ZNF713: variants seen among roughly 807,000 people sequenced by gnomAD.
The protein encoded by ZNF713 is zinc finger protein 713.
A neutral mutation model predicts 28.7 loss-of-function variants in ZNF713; 21 were observed. That is an observed-to-expected ratio of 0.73 (90% CI 0.52 to 1.05). ZNF713 has a LOEUF of 1.05. Ranked by LOEUF, ZNF713 falls within the 50% of genes least tolerant of loss-of-function variation. The pLI is 0.00. For synonymous variants in ZNF713, 167 were observed against 178.0 expected, an observed-to-expected ratio of 0.94 and a Z score of 0.49; for missense variants, 458 against 532.4, an observed-to-expected ratio of 0.86 and a Z score of 1.37.
At chr7:55,889,636 G>A (rs1393700282) in intron 1 of ZNF713, among the ~76,000 whole-genome samples, 2 of 152,106 alleles carry the variant, frequency 1.3e-5, no homozygotes, top group Admixed American at 6.6e-5. Flanking sequence ...TGCCCTCAAA[G>A]CCCTTTATGA....
chr7:55,918,311 C>CT (rs1331242505), intron 4 of ZNF713: 1 of 252,672 alleles, frequency 4.0e-6, no homozygotes, highest in Non-Finnish European at 8.3e-6. Flanking sequence ...AGTAAGCCAT[C>CT]TTGAAAGTGA....
chr7:55,919,020 T>C (rs1486887144), intron 4 of ZNF713, among the ~76,000 whole-genome samples: 1 of 147,416 alleles, frequency 6.8e-6, no homozygotes, highest in African/African-American at 2.5e-5. Flanking sequence ...AAAAGGAAAA[T>C]AGAGAATATA....
At chr7:55,901,367 C>T (rs966769431) in intron 1 of ZNF713, among the ~76,000 whole-genome samples, 3 of 152,172 alleles carry the variant, frequency 2.0e-5, no homozygotes, top group African/African-American at 7.2e-5. Context: ...CCCCATGATT[C>T]AGTTACCTCC....
At chr7:55,905,004 T>C (rs909445084) in intron 1 of ZNF713, among the ~76,000 whole-genome samples, 15 of 152,082 alleles carry the variant, frequency 9.9e-5, no homozygotes, top group African/African-American at 3.6e-4. Flanking sequence ...GGATTACAGG[T>C]GTGAGCCACC....
chr7:55,900,495 C>T (rs1785556355), intron 1 of ZNF713, among the ~76,000 whole-genome samples: 1 of 151,778 alleles, frequency 6.6e-6, no homozygotes, highest in Non-Finnish European at 1.5e-5. Flanking sequence ...TATATATACA[C>T]AATGGAATAC....
rs1055832733 is a variant in ZNF713 at position 55,940,575 on chromosome 7, T to TA, written c.*575dup. The stretch of plus-strand genomic sequence containing the variant: ...GTTCCAAATCTGATATAAAACTTTT[T>TA]AAAAAATCAGAAGTCCTTATCCAGG... On this transcript the variant is annotated 3_prime_UTR_variant, in exon 7 of 7. Coordinates refer to ENST00000429591, the MANE Select transcript of ZNF713 (RefSeq NM_182633.3). 1 of 979,638 alleles carries TA rather than the reference T, an allele frequency of 1.0e-6. No homozygotes were observed. Among genetic ancestry groups the TA allele is most frequent in the Non-Finnish European group, 1.2e-6 (1 of 824,866 alleles). The allele number at this position is 979,638 out of a possible 1,614,324, so 60.7% of individuals were successfully genotyped here.
chr7:55,919,208 A>T (rs532139149), intron 4 of ZNF713, among the ~76,000 whole-genome samples: 11 of 152,338 alleles, frequency 7.2e-5, no homozygotes, highest in African/African-American at 2.6e-4. Flanking sequence ...TCTCATTCAC[A>T]TCTGTCCAAG....
At chr7:55,922,398 C>T (rs1440931691) in intron 4 of ZNF713, among the ~76,000 whole-genome samples, 6 of 151,898 alleles carry the variant, frequency 4.0e-5, no homozygotes, top group African/African-American at 9.7e-5. Context: ...TATAGCTGGG[C>T]GTAGTGGTGC....
At chr7:55,929,226 T>C (rs1306241945) in intron 6 of ZNF713, among the ~76,000 whole-genome samples, 2 of 152,006 alleles carry the variant, frequency 1.3e-5, no homozygotes, top group African/African-American at 2.4e-5. Flanking sequence ...ACAAAAATTA[T>C]CAAGAAAATT....
intron 1 of ZNF713, among the ~76,000 whole-genome samples, chr7:55,899,159 C>G (rs533778081): frequency 6.6e-6 from 1 of 150,778 alleles, no homozygotes; most frequent in South Asian, 2.1e-4. Context: ...GGAGACCATC[C>G]TGGCTAATAC....
intron 4 of ZNF713, among the ~76,000 whole-genome samples, chr7:55,920,046 C>T (rs964226383): frequency 2.6e-5 from 4 of 152,158 alleles, no homozygotes; most frequent in African/African-American, 9.7e-5. Context: ...CCCCGGCTTC[C>T]CTATTTGCTG....
At chr7:55,887,887 G>GGGCGGC (rs1234910977) in intron 1 of ZNF713, among the ~76,000 whole-genome samples, 1 of 108,616 alleles carries the variant, frequency 9.2e-6, no homozygotes, top group Non-Finnish European at 1.8e-5. Context: ...CGGCGGCGGC[G>GGGCGGC]GGCGGCGGCG....
Position 55,940,622 on chromosome 7 carries a change from T to TC in ZNF713, c.*619dup. The TC allele has an allele frequency of 1.1e-6, 1 of 908,354 alleles. No homozygotes were observed. The highest frequency in any genetic ancestry group is 1.3e-6 in the Non-Finnish European group (1 of 760,496). 56.3% of individuals were successfully genotyped at this position (908,354 alleles called of 1,614,324 possible). ...CAGGCATGGTGGTGCACACCTGCAA[T>TC]CCCAGCTACTCTGGAGACTGAGGCA... On this transcript the variant is annotated 3_prime_UTR_variant, in exon 7 of 7. Transcript: ENST00000429591.
At chr7:55,899,356 CAAAAAAAAA>C (rs71015114) in intron 1 of ZNF713, among the ~76,000 whole-genome samples, 7 of 68,928 alleles carry the variant, frequency 1.0e-4, no homozygotes, top group African/African-American at 2.4e-4. Context: ...GATTCCATCT[CAAAAAAAAA>C]AAAAAAAAAA....
chr7:55,892,567 A>C (rs958994225), intron 1 of ZNF713, among the ~76,000 whole-genome samples: 2 of 149,796 alleles, frequency 1.3e-5, no homozygotes, highest in African/African-American at 2.4e-5. Context: ...AAAAAAAAAA[A>C]AAAAAAAAAA....
chr7:55,909,959 A>G (rs971996772), intron 2 of ZNF713, among the ~76,000 whole-genome samples: 3 of 150,696 alleles, frequency 2.0e-5, no homozygotes, highest in Admixed American at 6.7e-5. Context: ...ATGTGTGTGT[A>G]TATATACGTT....
intron 1 of ZNF713, among the ~76,000 whole-genome samples, chr7:55,902,337 A>G (rs760817353): frequency 3.9e-5 from 6 of 152,264 alleles, no homozygotes; most frequent in South Asian, 4.1e-4. Flanking sequence ...TTATTAAACC[A>G]TTTAAATCAT....
At chr7:55,936,579 T>C (rs1786351144) in intron 6 of ZNF713, among the ~76,000 whole-genome samples, 1 of 152,154 alleles carries the variant, frequency 6.6e-6, no homozygotes, top group Admixed American at 6.6e-5. Context: ...TGAAGACTGA[T>C]GTGGACCTCA....
chr7:55,928,022 T>G (rs1786135954), intron 6 of ZNF713, among the ~76,000 whole-genome samples: 1 of 151,400 alleles, frequency 6.6e-6, no homozygotes, highest in Non-Finnish European at 1.5e-5. Context: ...AGTGGAAGAT[T>G]TGGGGGAGTT....
Sources: allele counts gnomAD v4.1 joint callset (sites outside exome capture counted in the v4.1 genomes callset), GRCh38; gene constraint gnomAD v4.1.1; transcripts MANE v1.5; gene names NCBI Gene and HGNC (gene_info 2026-07-23, HGNC 2026-07-21).